NECTIN3: variants seen among roughly 807,000 people sequenced by gnomAD.
The protein encoded by NECTIN3 is nectin-3.
Under a neutral mutation model 49.4 loss-of-function variants are expected in NECTIN3, and 8 were observed. That is an observed-to-expected ratio of 0.16 (90% CI 0.10 to 0.29). The LOEUF is 0.29. Among genes scored for constraint, NECTIN3 ranks in the 10% least tolerant of loss-of-function variants. NECTIN3 has a pLI of 1.00. For synonymous variants in NECTIN3, 277 were observed against 241.1 expected (o/e 1.15, Z -1.38); for missense variants, 581 against 654.6 (o/e 0.89, Z 1.23).
chr3:111,136,129 G>A lies in NECTIN3; in HGVS notation c.*1914G>A. 1 of 983,774 alleles carries A rather than the reference G, an allele frequency of 1.0e-6. No individual in the cohort carries two copies. The highest frequency in any genetic ancestry group is 1.2e-6 in the Non-Finnish European group (1 of 828,628). 60.9% of individuals were successfully genotyped at this position (983,774 alleles called of 1,614,324 possible). A position where few individuals can be genotyped will look rare whatever the true frequency, so the allele number is the denominator to read the frequency against. ...TCTAAAATTTCTCCCCATGAAAGAT[G>A]TAAAACTATGGCTTTTTTTAAAATC... On this transcript the variant is annotated 3_prime_UTR_variant, in exon 6 of 6. Transcript: ENST00000485303.
intron 6 of NECTIN3, chr3:111,145,048 T>G (rs1172656394): frequency 6.5e-7 from 1 of 1,535,220 alleles, no homozygotes; most frequent in Admixed American, 2.0e-5. Flanking sequence ...GTAGGTAACT[T>G]TTTTGCCTTT....
downstream of NECTIN3, among the ~76,000 whole-genome samples, chr3:111,140,956 C>A (rs2034730026): frequency 6.6e-6 from 1 of 151,828 alleles, no homozygotes; most frequent in Admixed American, 6.6e-5. Flanking sequence ...TCCTGGATGA[C>A]ATATATTTCA....
chr3:111,073,846 G>T (rs1221589899), intron 1 of NECTIN3, among the ~76,000 whole-genome samples: 1 of 152,202 alleles, frequency 6.6e-6, no homozygotes, highest in Non-Finnish European at 1.5e-5. Flanking sequence ...ATTTCTTAGT[G>T]GTTGTGAAAA....
intron 1 of NECTIN3, among the ~76,000 whole-genome samples, chr3:111,083,845 G>C (rs1014360667): frequency 1.3e-5 from 2 of 152,200 alleles, no homozygotes; most frequent in Admixed American, 1.3e-4. Flanking sequence ...CTGTCTCCTG[G>C]ACGCTGGATG....
intron 4 of NECTIN3, 151 bp downstream of exon 4, chr3:111,122,389 C>G (rs2033993937): frequency 1.7e-6 from 1 of 574,178 alleles, no homozygotes; most frequent in Non-Finnish European, 2.9e-6. Flanking sequence ...CCACCTGTCC[C>G]CACCTTCCTA....
At chr3:111,124,120 C>A (rs1254963441) in intron 4 of NECTIN3, among the ~76,000 whole-genome samples, 1 of 151,934 alleles carries the variant, frequency 6.6e-6, no homozygotes, top group African/African-American at 2.4e-5. Context: ...GTAGAGAAAA[C>A]CTTTTTCATT....
At chr3:111,160,577 A>AT (rs996835632) in intron 7 of NECTIN3, among the ~76,000 whole-genome samples, 4 of 151,982 alleles carry the variant, frequency 2.6e-5, no homozygotes, top group Non-Finnish European at 4.4e-5. Context: ...TTTTTACATG[A>AT]TTTTTTTTAA....
chr3:111,146,506 A>G (rs1394316955), intron 6 of NECTIN3, among the ~76,000 whole-genome samples: 2 of 151,962 alleles, frequency 1.3e-5, no homozygotes, highest in African/African-American at 4.8e-5. Flanking sequence ...TTTTTCTATA[A>G]TTTCAAAAAC....
intron 7 of NECTIN3, among the ~76,000 whole-genome samples, chr3:111,182,950 C>A (rs892411404): frequency 1.3e-5 from 2 of 151,846 alleles, no homozygotes; most frequent in African/African-American, 4.8e-5. Flanking sequence ...TTTAAATTAG[C>A]TGAGTGATTA....
chr3:111,091,146 T>TATA (rs2032244025), intron 1 of NECTIN3, among the ~76,000 whole-genome samples: 2 of 152,156 alleles, frequency 1.3e-5, no homozygotes, highest in Admixed American at 6.6e-5. Flanking sequence ...ACCTCACTGC[T>TATA]CCTAACACTA....
At chr3:111,104,738 TCTC>T (rs2033094777) in intron 1 of NECTIN3, among the ~76,000 whole-genome samples, 1 of 152,188 alleles carries the variant, frequency 6.6e-6, no homozygotes, top group Non-Finnish European at 1.5e-5. Flanking sequence ...ACAAGGATTT[TCTC>T]CTCATTAGTG....
At chr3:111,079,705 T>C (rs2031470957) in intron 1 of NECTIN3, among the ~76,000 whole-genome samples, 1 of 151,782 alleles carries the variant, frequency 6.6e-6, no homozygotes, top group Admixed American at 6.6e-5. Context: ...CTTATGTTAA[T>C]GGCTACTGCA....
chr3:111,139,559 G>A (rs2034688447), downstream of NECTIN3, among the ~76,000 whole-genome samples: 1 of 151,726 alleles, frequency 6.6e-6, no homozygotes, highest in African/African-American at 2.4e-5. Flanking sequence ...GAAAGTACAT[G>A]CCTACTTTTT....
intron 7 of NECTIN3, among the ~76,000 whole-genome samples, chr3:111,150,077 G>T (rs540512995): frequency 6.6e-6 from 1 of 152,126 alleles, no homozygotes; most frequent in South Asian, 2.1e-4. Context: ...GAAAGAAAAT[G>T]TAAGTCTTTT....
At position 111,118,894 on chromosome 3, in the gene NECTIN3, T is replaced by G; in HGVS notation, c.741T>G (p.Val247=). The G allele has an allele frequency of 6.2e-7, 1 of 1,614,188 alleles. No homozygotes were observed. Among genetic ancestry groups the G allele is most frequent in the Non-Finnish European group, 8.5e-7 (1 of 1,180,018 alleles). Residue 247 remains valine, a synonymous_variant, in exon 3 of 6, where the codon GTT becomes GTG. Coordinates refer to ENST00000485303, the MANE Select transcript of NECTIN3 (RefSeq NM_015480.3). ...CTAGAGGAAGGCGAATTACTTGTGT[T>G]GTAAAACATCCAGCCTTGGAAAAGG... ...RFARGRRITC[V]VKHPALEKDI...
chr3:111,192,288 C>T, upstream of NECTIN3: 1 of 1,381,470 alleles, frequency 7.2e-7, no homozygotes, highest in African/African-American at 1.4e-5. Flanking sequence ...AAATAGGAAT[C>T]TTAGTGGTTG....
At chr3:111,114,963 C>T (rs1414969734) in intron 2 of NECTIN3, among the ~76,000 whole-genome samples, 1 of 152,032 alleles carries the variant, frequency 6.6e-6, no homozygotes, top group Non-Finnish European at 1.5e-5. Context: ...TGGAACCAAC[C>T]CTCACCCCAC....
chr3:111,155,861 C>T (rs111976308), intron 7 of NECTIN3, among the ~76,000 whole-genome samples: 9 of 152,146 alleles, frequency 5.9e-5, no homozygotes, highest in African/African-American at 1.7e-4. Flanking sequence ...GACCTCAGTC[C>T]CTGCCTTACT....
rs752996530 is a variant in NECTIN3 at position 111,118,697 on chromosome 3, A to G, written c.544A>G (p.Ile182Val). 140 of 1,612,554 alleles carry G rather than the reference A, an allele frequency of 8.7e-5. No homozygotes were observed. Among genetic ancestry groups the G allele is most frequent in the Non-Finnish European group, 1.1e-4 (130 of 1,179,182 alleles). Residue 182 changes from isoleucine to valine, a missense_variant, in exon 3 of 6, where the codon ATT becomes GTT. Transcript: ENST00000485303. The stretch of plus-strand genomic sequence containing the variant: ...CCTGATAAAAGGGCCAGATTCTTTA[A>G]TTGATGGAGGAAATGAAACAGTAGC... ...VSLIKGPDSL[I>V]DGGNETVAAI...
Sources: gnomAD v4.1 joint callset for allele counts (sites outside exome capture counted in the v4.1 genomes callset) on GRCh38, gnomAD v4.1.1 for gene constraint, MANE v1.5 for transcripts, NCBI Gene and HGNC (gene_info 2026-07-23, HGNC 2026-07-21) for gene names.